UBA6: variants seen among roughly 807,000 people sequenced by gnomAD.
UBA6 encodes ubiquitin-like modifier-activating enzyme 6.
Under a neutral mutation model 148.3 loss-of-function variants are expected in UBA6, and 87 were observed. That is an observed-to-expected ratio of 0.59 (90% confidence interval 0.49 to 0.70). UBA6 has a LOEUF of 0.70. Ranked by LOEUF, UBA6 falls within the 30% of genes least tolerant of loss-of-function variation. The pLI is 0.00. For synonymous variants in UBA6, 376 were observed against 401.0 expected, an observed-to-expected ratio of 0.94 and a Z score of 0.75; for missense variants, 1,186 against 1,241.2, an observed-to-expected ratio of 0.96 and a Z score of 0.67.
intron 3 of UBA6, 122 bp from the exon 4 acceptor site, chr4:67,681,713 A>C: frequency 3.0e-6 from 2 of 659,240 alleles, no homozygotes; most frequent in East Asian, 2.9e-5. Flanking sequence ...TACTTAATAC[A>C]AGTTCCTTGT....
At chr4:67,663,750 ACCTT>A in intron 11 of UBA6, 131 bp downstream of exon 11, 15 of 660,946 alleles carry the variant, frequency 2.3e-5, no homozygotes, top group Non-Finnish European at 3.7e-5. Context: ...TGTGAGTATA[ACCTT>A]TATTATACTC....
rs1301866489 is a variant in UBA6 at position 67,613,911 on chromosome 4, T to A, written c.*5086A>T. 6.6e-6 allele frequency: 1 copy of A among 152,146 alleles called. No homozygotes were observed. The highest frequency in any genetic ancestry group is 2.4e-5 in the African/African-American group (1 of 41,430). 9.4% of individuals were successfully genotyped at this position (152,146 alleles called of 1,614,324 possible). The stretch of plus-strand genomic sequence containing the variant: ...ATCTTGAAATGGCCCTGCAAAGCCA[T>A]CCCTTGTGGGAAAAATCTACATTCT... On this transcript the variant is annotated 3_prime_UTR_variant, in exon 33 of 33. Coordinates refer to ENST00000322244, the MANE Select transcript of UBA6 (RefSeq NM_018227.6).
In UBA6 at chr4:67,615,423, C is replaced by G. The variant is rs1728605981; in HGVS notation, c.*3574G>C. On this transcript the variant is annotated 3_prime_UTR_variant, in exon 33 of 33. Coordinates refer to ENST00000322244, the MANE Select transcript of UBA6 (RefSeq NM_018227.6). ...ATAAACCTTTTTTCTTTATGAATTA[C>G]CGAGTCTTGGATATTCCTTTATAGC... The G allele has an allele frequency of 6.6e-6, 1 of 152,132 alleles. No individual in the cohort carries two copies. The highest frequency in any genetic ancestry group is 2.4e-5 in the African/African-American group (1 of 41,396). 9.4% of individuals were successfully genotyped at this position (152,132 alleles called of 1,614,324 possible).
chr4:67,698,060 C>T (rs573556327), intron 1 of UBA6, among the ~76,000 whole-genome samples: 3 of 152,286 alleles, frequency 2.0e-5, no homozygotes, highest in Admixed American at 6.5e-5. Flanking sequence ...TTTGCTGTTT[C>T]GCAAGAAGGC....
intron 13 of UBA6, among the ~76,000 whole-genome samples, chr4:67,661,059 A>G (rs902881105): frequency 3.3e-5 from 5 of 152,214 alleles, no homozygotes; most frequent in Admixed American, 1.3e-4. Context: ...TAATGTCTGT[A>G]CCCTCACTGT....
In UBA6 at chr4:67,626,499, T is replaced by G. The variant is rs3816820; in HGVS notation, c.2401-22A>C. ...CAACCTTTGAATATATGAATATATT[T>G]TTATTAATGTTATCATTTCCTGCAT... On this transcript the variant is annotated intron_variant, in intron 27 of 32. Transcript: ENST00000322244. 46 of 1,377,830 alleles carry G rather than the reference T, an allele frequency of 3.3e-5. No individual in the cohort carries two copies. The East Asian group carries it at 1.1e-3, about 32-fold the overall frequency. 85.4% of individuals were successfully genotyped at this position (1,377,830 alleles called of 1,614,324 possible).
chr4:67,630,641 C>A, intron 25 of UBA6, 106 bp from the exon 26 acceptor site: 1 of 690,312 alleles, frequency 1.4e-6, no homozygotes. Flanking sequence ...GAAATATAAC[C>A]ACAGAATTAT....
chr4:67,658,097 T>G (rs1231318803), intron 13 of UBA6, among the ~76,000 whole-genome samples: 5 of 152,020 alleles, frequency 3.3e-5, no homozygotes, highest in Admixed American at 6.5e-5. Context: ...TTGGTGGGAG[T>G]GTAAATCAGT....
In UBA6 at chr4:67,635,480, C is replaced by A. The variant is rs139389373; in HGVS notation, c.1815G>T (p.Pro605=). 1.9e-6 allele frequency: 3 copies of A among 1,606,694 alleles called. No homozygotes were observed. Among genetic ancestry groups the A allele is most frequent in the East Asian group, 2.2e-5 (1 of 44,722 alleles). Reference sequence around the variant, plus strand: ...GACTATTGTAAGACTCAGTCAAATGCGGTACAATAACTTCAGTGTGTCCCT... The same window carrying A: ...GACTATTGTAAGACTCAGTCAAATGAGGTACAATAACTTCAGTGTGTCCCT... The part of the protein sequence containing the change: ...GTKGHTEVIV[P]HLTESYNSHR... Residue 605 remains proline (P), a synonymous_variant, in exon 20 of 33, where the codon CCG becomes CCT. Transcript: ENST00000322244.
intron 26 of UBA6, among the ~76,000 whole-genome samples, chr4:67,630,201 T>C (rs1006593960): frequency 6.6e-6 from 1 of 152,162 alleles, no homozygotes; most frequent in Non-Finnish European, 1.5e-5. Flanking sequence ...GTTATAAATA[T>C]TCTTAAAACA....
At chr4:67,619,218 T>A in intron 32 of UBA6, 86 bp from the exon 33 acceptor site, 1 of 974,218 alleles carries the variant, frequency 1.0e-6, no homozygotes, top group South Asian at 1.6e-5. Context: ...CCAGAGAACC[T>A]GGACTTGTAT....
At chr4:67,634,346 A>G (rs751843854) in intron 21 of UBA6, 24 bp from the exon 22 acceptor site, 1 of 1,566,512 alleles carries the variant, frequency 6.4e-7, no homozygotes, top group Admixed American at 2.2e-5. Flanking sequence ...AAGAAAAAAA[A>G]AATTACAAAT....
At chr4:67,686,076 C>T (rs996257087) in intron 2 of UBA6, among the ~76,000 whole-genome samples, 1 of 152,184 alleles carries the variant, frequency 6.6e-6, no homozygotes, top group East Asian at 1.9e-4. Context: ...AGCATTGTTA[C>T]ATTACAGCTG....
chr4:67,659,442 G>A (rs566720617), intron 13 of UBA6, among the ~76,000 whole-genome samples: 10 of 151,984 alleles, frequency 6.6e-5, no homozygotes, highest in South Asian at 2.1e-4. Context: ...TTTTATAAGC[G>A]TCTGGTAGAT....
chr4:67,683,946 G>A (rs555362033), intron 2 of UBA6, among the ~76,000 whole-genome samples: 1 of 152,230 alleles, frequency 6.6e-6, no homozygotes, highest in East Asian at 1.9e-4. Flanking sequence ...GGTGGTGGGT[G>A]CCTGCAGTTA....
At chr4:67,661,820 A>G (rs1370513758) in intron 13 of UBA6, 1 of 274,072 alleles carries the variant, frequency 3.6e-6, no homozygotes, top group African/African-American at 2.2e-5. Context: ...TGTATAATAT[A>G]TAAAACAGGT....
intron 4 of UBA6, among the ~76,000 whole-genome samples, chr4:67,679,980 A>G (rs1341007906): frequency 6.6e-6 from 1 of 152,154 alleles, no homozygotes; most frequent in African/African-American, 2.4e-5. Context: ...AGATCAAAAC[A>G]CATCAAATTA....
intron 25 of UBA6, 75 bp downstream of exon 25, chr4:67,631,633 G>T: frequency 9.1e-7 from 1 of 1,096,888 alleles, no homozygotes. Flanking sequence ...TTTTCACTCT[G>T]CAATGTACAG....
chr4:67,684,243 G>A (rs28712460), intron 2 of UBA6, among the ~76,000 whole-genome samples: 2 of 152,060 alleles, frequency 1.3e-5, no homozygotes, highest in Non-Finnish European at 2.9e-5. Context: ...GTTGGCACTT[G>A]TAAACTTGGC....
Sources: gnomAD v4.1 joint callset for allele counts (sites outside exome capture counted in the v4.1 genomes callset) on GRCh38, gnomAD v4.1.1 for gene constraint, MANE v1.5 for transcripts, NCBI Gene and HGNC (gene_info 2026-07-23, HGNC 2026-07-21) for gene names.